The following SGCZ variants were observed in gnomAD, a reference collection of about 807,000 sequenced individuals.
SGCZ encodes sarcoglycan zeta, also known as zeta-sarcoglycan.
SGCZ carries 40 observed loss-of-function variants against 41.3 expected under a neutral mutation model. The ratio of observed to expected loss-of-function variants is 0.97; its 90% confidence interval spans 0.75 to 1.26. The LOEUF (loss-of-function observed/expected upper bound fraction) is 1.26, where lower values mean the gene tolerates loss of function less well. SGCZ is among the 50% of genes most tolerant of loss of function. The pLI is 0.00. For synonymous variants in SGCZ, 206 were observed against 137.5 expected (o/e 1.50, Z -3.49); for missense variants, 552 against 369.8 (o/e 1.49, Z -4.04).
chr8:15,182,367 G>C (rs1800204207), intron 1 of SGCZ, among the ~76,000 whole-genome samples: 1 of 151,984 alleles, frequency 6.6e-6, no homozygotes, highest in South Asian at 2.1e-4. Flanking sequence ...TTTTTTCATT[G>C]TGAAAACAAC....
intron 1 of SGCZ, among the ~76,000 whole-genome samples, chr8:14,974,976 C>G (rs1801417463): frequency 6.6e-6 from 1 of 151,974 alleles, no homozygotes; most frequent in African/African-American, 2.4e-5. Flanking sequence ...TTAAGGTTAT[C>G]TCTCTGCTAT....
At chr8:14,223,995 G>A (rs1405728574) in intron 4 of SGCZ, among the ~76,000 whole-genome samples, 4 of 152,034 alleles carry the variant, frequency 2.6e-5, no homozygotes, top group South Asian at 2.1e-4. Flanking sequence ...TTTAAGAAAC[G>A]GAGGCACAGA....
At position 14,369,365 on chromosome 8, in the gene SGCZ, A is replaced by G. The variant is rs1168459645; in HGVS notation, c.235-45161T>C. On this transcript the variant is annotated intron_variant, in intron 2 of 7. Transcript: ENST00000382080. ...TAGCTATTTTGTAGAACAGTCCTCA[A>G]TTTGAGCTTCTCTGATATATCCTCA... Among the ~76,000 whole-genome samples, 4 of 151,932 alleles carry G rather than the reference A, an allele frequency of 2.6e-5. No individual in the cohort carries two copies. The East Asian group carries it at 7.7e-4, about 29-fold the overall frequency.
chr8:14,544,767 C>A (rs1243811584), intron 2 of SGCZ, among the ~76,000 whole-genome samples: 1 of 152,164 alleles, frequency 6.6e-6, no homozygotes, highest in Non-Finnish European at 1.5e-5. Flanking sequence ...ACAATACGTG[C>A]ACCACTGAAC....
At chr8:14,310,943 C>T (rs1801519736) in intron 3 of SGCZ, among the ~76,000 whole-genome samples, 1 of 152,026 alleles carries the variant, frequency 6.6e-6, no homozygotes, top group South Asian at 2.1e-4. Flanking sequence ...TGTCTGTGTA[C>T]CCCGTGGAAA....
Position 14,681,849 on chromosome 8 carries a change from T to C in SGCZ, c.40-126923A>G, listed in dbSNP as rs369099580. ...GGGCTTTTAGATGACACAAGTGAAT[T>C]CAACAGGCATCTTAGGGAGAAGTAG... On this transcript the variant is annotated intron_variant, in intron 1 of 7. Coordinates refer to ENST00000382080, the MANE Select transcript of SGCZ (RefSeq NM_139167.4). 1.9e-3 allele frequency among the ~76,000 whole-genome samples: 282 copies of C among 152,260 alleles called. 3 individuals carry two copies. The South Asian group carries it at 0.02, about 11-fold the overall frequency.
chr8:14,995,036 A>G (rs1563419918), intron 1 of SGCZ, among the ~76,000 whole-genome samples: 2 of 152,276 alleles, frequency 1.3e-5, no homozygotes, highest in South Asian at 4.1e-4. Context: ...TCTTAGGACC[A>G]TGAGAAATCT....
At chr8:14,551,289 C>A (rs1803801166) in intron 2 of SGCZ, among the ~76,000 whole-genome samples, 1 of 142,804 alleles carries the variant, frequency 7.0e-6, no homozygotes, top group Non-Finnish European at 1.5e-5. Context: ...AATACTGCCT[C>A]AGTAGAATGC....
intron 1 of SGCZ, among the ~76,000 whole-genome samples, chr8:15,120,985 C>T (rs1438021250): frequency 2.0e-5 from 3 of 152,184 alleles, no homozygotes; most frequent in African/African-American, 7.2e-5. Context: ...GCTGGGAATC[C>T]TGTCAGATTT....
At chr8:14,573,359 G>A (rs533893697) in intron 1 of SGCZ, among the ~76,000 whole-genome samples, 7 of 137,976 alleles carry the variant, frequency 5.1e-5, no homozygotes, top group African/African-American at 1.0e-4. Flanking sequence ...CATCGCGCCC[G>A]GCTAAATTTT....
chr8:14,274,204 T>C (rs1420967352), intron 3 of SGCZ, among the ~76,000 whole-genome samples: 2 of 152,168 alleles, frequency 1.3e-5, no homozygotes, highest in Non-Finnish European at 2.9e-5. Flanking sequence ...AAGTAAATTG[T>C]ATTGCAAATA....
intron 1 of SGCZ, among the ~76,000 whole-genome samples, chr8:14,744,613 T>C (rs1216652762): frequency 6.6e-6 from 1 of 152,106 alleles, no homozygotes; most frequent in Non-Finnish European, 1.5e-5. Context: ...GTGTAGTTCA[T>C]TTGTATACAA....
At chr8:14,186,095 C>G (rs969607728) in intron 4 of SGCZ, among the ~76,000 whole-genome samples, 9 of 152,088 alleles carry the variant, frequency 5.9e-5, no homozygotes, top group African/African-American at 2.2e-4. Context: ...CCACAGGGCT[C>G]CCCAGTAATT....
chr8:15,134,615 T>C (rs1050549615), intron 1 of SGCZ, among the ~76,000 whole-genome samples: 28 of 152,326 alleles, frequency 1.8e-4, no homozygotes, highest in African/African-American at 6.7e-4. Context: ...CATGTACTCC[T>C]TGCATAATTG....
At chr8:14,275,578 T>G (rs1441901010) in intron 3 of SGCZ, among the ~76,000 whole-genome samples, 2 of 152,054 alleles carry the variant, frequency 1.3e-5, no homozygotes, top group East Asian at 3.9e-4. Context: ...AGGGGAAACA[T>G]AAAAGGAAAG....
chr8:14,540,469 T>C (rs562794132), intron 2 of SGCZ, among the ~76,000 whole-genome samples: 80 of 151,938 alleles, frequency 5.3e-4, no homozygotes, highest in African/African-American at 1.8e-3. Context: ...TGTTACATTA[T>C]ATCTCTATAT....
chr8:14,734,891 A>C (rs1459855472), intron 1 of SGCZ, among the ~76,000 whole-genome samples: 1 of 152,174 alleles, frequency 6.6e-6, no homozygotes, highest in Non-Finnish European at 1.5e-5. Flanking sequence ...AATATTGATA[A>C]CGTTAGTTTT....
intron 1 of SGCZ, among the ~76,000 whole-genome samples, chr8:15,051,467 G>A (rs1294072931): frequency 2.0e-5 from 3 of 151,998 alleles, no homozygotes; most frequent in Non-Finnish European, 4.4e-5. Flanking sequence ...TCATGATGCT[G>A]TGAGCTTTTC....
intron 2 of SGCZ, among the ~76,000 whole-genome samples, chr8:14,514,313 T>C (rs1802548904): frequency 6.6e-6 from 1 of 152,088 alleles, no homozygotes; most frequent in Non-Finnish European, 1.5e-5. Flanking sequence ...CAGATATAAA[T>C]AGGCTTATTT....
Sources: gnomAD v4.1 joint callset for allele counts (sites outside exome capture counted in the v4.1 genomes callset) on GRCh38, gnomAD v4.1.1 for gene constraint, MANE v1.5 for transcripts, NCBI Gene and HGNC (gene_info 2026-07-23, HGNC 2026-07-21) for gene names.